DCLK1: variants seen among roughly 807,000 people sequenced by gnomAD.
DCLK1 encodes serine/threonine-protein kinase DCLK1.
Under a neutral mutation model 86.2 loss-of-function variants are expected in DCLK1, and 16 were observed. The observed-to-expected ratio is 0.19, with a 90% CI of 0.13 to 0.28. The LOEUF is 0.28. Ranked by LOEUF, DCLK1 falls within the 10% of genes least tolerant of loss-of-function variation. DCLK1 has a pLI of 1.00. For synonymous variants in DCLK1, 369 were observed against 370.5 expected, an observed-to-expected ratio of 1.00 and a Z score of 0.05; for missense variants, 590 against 940.2, an observed-to-expected ratio of 0.63 and a Z score of 4.87.
At chr13:35,911,591 A>C (rs1875036859) in intron 4 of DCLK1, among the ~76,000 whole-genome samples, 1 of 152,130 alleles carries the variant, frequency 6.6e-6, no homozygotes, top group Non-Finnish European at 1.5e-5. Context: ...AAATAGGAGG[A>C]GGCGGACCTC....
intron 3 of DCLK1, among the ~76,000 whole-genome samples, chr13:36,017,929 C>T (rs918585730): frequency 1.2e-4 from 19 of 152,250 alleles, no homozygotes; most frequent in African/African-American, 3.1e-4. Flanking sequence ...CCATCTGTGG[C>T]GAGAAGATTC....
chr13:35,815,901 TAGAA>T (rs1436878622), intron 11 of DCLK1, among the ~76,000 whole-genome samples: 1 of 152,146 alleles, frequency 6.6e-6, no homozygotes, highest in African/African-American at 2.4e-5. Context: ...GTGCAGATGT[TAGAA>T]AGGAGTAAGT....
At position 35,919,660 on chromosome 13, in the gene DCLK1, A is replaced by G. The variant is rs1875669987; in HGVS notation, c.823+27698T>C. On this transcript the variant is annotated intron_variant, in intron 4 of 16. Coordinates refer to ENST00000360631, the MANE Select transcript of DCLK1 (RefSeq NM_001330071.2). ...AGGCTGGATTTGCAACCTGGTTTCA[A>G]CAATTAAAAGTTTACCTTGGCTGGG... 2.6e-5 allele frequency among the ~76,000 whole-genome samples: 4 copies of G among 152,184 alleles called. No individual in the cohort carries two copies. The South Asian group carries it at 8.3e-4, about 32-fold the overall frequency.
chr13:35,954,842 A>T (rs186940149), intron 3 of DCLK1, among the ~76,000 whole-genome samples: 1,807 of 151,764 alleles, frequency 0.012, 12 homozygotes, highest in Non-Finnish European at 0.015. Flanking sequence ...ACTTTTTTTT[A>T]AAAAAAATGG....
At chr13:35,936,962 C>CTTTTTTTTTTTTTTTTTTTTTGT (rs1876789735) in intron 4 of DCLK1, among the ~76,000 whole-genome samples, 1 of 65,712 alleles carries the variant, frequency 1.5e-5, no homozygotes, top group Non-Finnish European at 3.0e-5. Flanking sequence ...GAAAAGTTAG[C>CTTTTTTTTTTTTTTTTTTTTTGT]TTTTTTTTTT....
intron 3 of DCLK1, among the ~76,000 whole-genome samples, chr13:36,052,696 T>C (rs1270810609): frequency 6.6e-6 from 1 of 152,044 alleles, no homozygotes; most frequent in African/African-American, 2.4e-5. Flanking sequence ...GCCAAAAGAA[T>C]CAAAGCTCAA....
chr13:36,015,001 TCTTTCTC>T (rs1881481355), intron 3 of DCLK1, among the ~76,000 whole-genome samples: 4 of 23,552 alleles, frequency 1.7e-4, no homozygotes, highest in African/African-American at 5.3e-4. Context: ...TCTCTCTCTC[TCTTTCTC>T]TCTCTCTCTC....
At chr13:35,893,970 T>C (rs963017967) in intron 4 of DCLK1, among the ~76,000 whole-genome samples, 2 of 152,306 alleles carry the variant, frequency 1.3e-5, no homozygotes, top group Non-Finnish European at 2.9e-5. Context: ...TGGTACAACA[T>C]ACATGAACTT....
intron 3 of DCLK1, among the ~76,000 whole-genome samples, chr13:35,966,582 CT>C (rs1324262033): frequency 6.8e-6 from 1 of 147,418 alleles, no homozygotes; most frequent in African/African-American, 2.5e-5. Flanking sequence ...CTGCCGCCAT[CT>C]CGACTCACTG....
intron 10 of DCLK1, 94 bp from the exon 11 acceptor site, chr13:35,822,969 A>T: frequency 7.0e-7 from 1 of 1,437,784 alleles, no homozygotes; most frequent in Non-Finnish European, 9.5e-7. Context: ...GGACAGGAAG[A>T]ATGGATGTGG....
At chr13:35,964,893 C>T (rs1039682598) in intron 3 of DCLK1, among the ~76,000 whole-genome samples, 1 of 152,056 alleles carries the variant, frequency 6.6e-6, no homozygotes, top group Admixed American at 6.5e-5. Flanking sequence ...CAGCCATGCT[C>T]GCTTGTTTAC....
intron 2 of DCLK1, among the ~76,000 whole-genome samples, chr13:36,113,549 T>C (rs917561256): frequency 6.6e-6 from 1 of 152,154 alleles, no homozygotes; most frequent in Non-Finnish European, 1.5e-5. Flanking sequence ...ATTTGGGTAC[T>C]ATAGAAACAG....
At chr13:36,066,441 T>C (rs1167177277) in intron 3 of DCLK1, among the ~76,000 whole-genome samples, 1 of 152,216 alleles carries the variant, frequency 6.6e-6, no homozygotes, top group African/African-American at 2.4e-5. Flanking sequence ...AGAAACAAGA[T>C]ATTGTTTGAA....
chr13:35,866,422 T>C (rs990371387), intron 5 of DCLK1, among the ~76,000 whole-genome samples: 1 of 151,552 alleles, frequency 6.6e-6, no homozygotes, highest in Non-Finnish European at 1.5e-5. Flanking sequence ...TTATAAACTT[T>C]GGGTTAATGT....
chr13:36,034,693 CTT>C (rs1882420982), intron 3 of DCLK1, among the ~76,000 whole-genome samples: 2 of 152,130 alleles, frequency 1.3e-5, no homozygotes, highest in Non-Finnish European at 2.9e-5. Flanking sequence ...TAAACTGACT[CTT>C]GAGGGGAAAA....
At chr13:36,077,852 G>C (rs1042634864) in intron 3 of DCLK1, among the ~76,000 whole-genome samples, 41 of 152,120 alleles carry the variant, frequency 2.7e-4, no homozygotes, top group Admixed American at 1.0e-3. Context: ...GCTGATGTCG[G>C]GGACATACAT....
At chr13:36,121,827 T>C (rs751536544) in intron 2 of DCLK1, among the ~76,000 whole-genome samples, 2 of 152,150 alleles carry the variant, frequency 1.3e-5, no homozygotes, top group Non-Finnish European at 2.9e-5. Context: ...ACTAGTAGGC[T>C]GGGCACAGTG....
At chr13:36,100,274 G>A (rs1885172124) in intron 3 of DCLK1, among the ~76,000 whole-genome samples, 1 of 151,624 alleles carries the variant, frequency 6.6e-6, no homozygotes. Flanking sequence ...AGCTACTTGG[G>A]AGGCTGTGGT....
intron 7 of DCLK1, among the ~76,000 whole-genome samples, chr13:35,837,683 T>C (rs1356870197): frequency 6.6e-6 from 1 of 152,126 alleles, no homozygotes; most frequent in Non-Finnish European, 1.5e-5. Flanking sequence ...GGTGGGAGCA[T>C]TCACTGAGAC....
Sources: gnomAD v4.1 joint callset for allele counts (sites outside exome capture counted in the v4.1 genomes callset) on GRCh38, gnomAD v4.1.1 for gene constraint, MANE v1.5 for transcripts, NCBI Gene and HGNC (gene_info 2026-07-23, HGNC 2026-07-21) for gene names.